Variants in NEB observed in about 807,000 individuals in gnomAD.
NEB encodes nemaline myopathy type 2.
NEB carries 512 observed loss-of-function variants against 952.2 expected under a neutral mutation model. That is an observed-to-expected ratio of 0.54 (90% CI 0.50 to 0.58). The LOEUF (loss-of-function observed/expected upper bound fraction) is 0.58, where lower values mean the gene tolerates loss of function less well. Among genes scored for constraint, NEB ranks in the 20% least tolerant of loss-of-function variants. The pLI, the probability that NEB is intolerant of heterozygous loss-of-function variation, is 0.00. For missense variants in NEB, 8,428 were observed against 9,231.1 expected (o/e 0.91, Z 3.56); for synonymous variants, 2,900 against 3,149.8 (o/e 0.92, Z 2.66).
At chr2:151,618,014 C>G (rs1245883889) in intron 74 of NEB, among the ~76,000 whole-genome samples, 1 of 152,022 alleles carries the variant, frequency 6.6e-6, no homozygotes, top group Non-Finnish European at 1.5e-5. Flanking sequence ...GAGCCAAGAT[C>G]GTGCCATTGC....
chr2:151,689,658 G>C (rs925783584), intron 24 of NEB: 1 of 152,250 alleles, frequency 6.6e-6, no homozygotes, highest in African/African-American at 2.4e-5. Flanking sequence ...TATGCAAGAA[G>C]TAATTCCAAG....
At position 151,614,420 on chromosome 2, in the gene NEB, C is replaced by T. The variant is rs780152095; in HGVS notation, c.11457G>A (p.Val3819=). The T allele has an allele frequency of 9.4e-5, 152 of 1,613,782 alleles. No individual in the cohort carries two copies. Among genetic ancestry groups the T allele is most frequent in the Non-Finnish European group, 1.2e-4 (142 of 1,179,866 alleles). ...TGGCCAGCACCACCCCCAGCATGTC[C>T]ACTGGGCTGCTGAACTTGGTCTTCC... ...EKWKTKFSSP[V]DMLGVVLAKK... The change falls in exon 77 of 182, where the codon GTG becomes GTA. Residue 3819 remains valine, a synonymous_variant. Transcript: ENST00000397345.
chr2:151,512,192 G>A (rs187205809), intron 161 of NEB, among the ~76,000 whole-genome samples: 112 of 151,790 alleles, frequency 7.4e-4, no homozygotes, highest in East Asian at 5.4e-3. Flanking sequence ...CACCACGCCC[G>A]GCTAATTTTT....
chr2:151,520,621 T>G (rs970278686), intron 153 of NEB, among the ~76,000 whole-genome samples: 3 of 152,004 alleles, frequency 2.0e-5, no homozygotes, highest in African/African-American at 7.2e-5. Context: ...TCTCAGCACT[T>G]TAGGAGGCCA....
intron 138 of NEB, among the ~76,000 whole-genome samples, chr2:151,539,196 A>T (rs1344417810): frequency 6.6e-6 from 1 of 152,220 alleles, no homozygotes; most frequent in Non-Finnish European, 1.5e-5. Context: ...GCTGTAAGAT[A>T]TTAATTCAGC....
chr2:151,634,825 T>C (rs963099687), intron 64 of NEB, among the ~76,000 whole-genome samples: 27 of 152,254 alleles, frequency 1.8e-4, no homozygotes, highest in African/African-American at 5.8e-4. Context: ...AAAACTGACA[T>C]AGCAACCCAA....
At chr2:151,595,709 T>C (rs1262688741) in intron 92 of NEB, among the ~76,000 whole-genome samples, 48 of 43,984 alleles carry the variant, frequency 1.1e-3, no homozygotes, top group African/African-American at 7.5e-3. Flanking sequence ...TTAAGTCTTA[T>C]ATGAAACTAT....
intron 107 of NEB, among the ~76,000 whole-genome samples, chr2:151,573,000 C>T (rs1363599267): frequency 6.6e-6 from 1 of 151,856 alleles, no homozygotes; most frequent in Non-Finnish European, 1.5e-5. Flanking sequence ...ATAACAATAT[C>T]TTACTCAATG....
Position 151,688,353 on chromosome 2 carries a change from T to G in NEB, c.2354A>C (p.His785Pro). 6.2e-7 allele frequency: 1 copy of G among 1,613,962 alleles called. No homozygotes were observed. Among genetic ancestry groups the G allele is most frequent in the Non-Finnish European group, 8.5e-7 (1 of 1,179,854 alleles). ...AAACTGTGGAGCATCTGCTGGTATA[T>G]GGCACTTGAACTTCTCACCTTCATG... ...AKHEGEKFKCHIPADAPQFIQ... is the reference protein window; with the variant it reads ...AKHEGEKFKCPIPADAPQFIQ... Residue 785 changes from histidine (H) to proline (P), a missense_variant, in exon 25 of 182, where the codon CAT becomes CCT. Transcript: ENST00000397345.
chr2:151,609,437 ATATAAT>A, intron 81 of NEB, among the ~76,000 whole-genome samples: 1 of 152,212 alleles, frequency 6.6e-6, no homozygotes, highest in East Asian at 1.9e-4. Context: ...GAATTCCATA[ATATAAT>A]TATTTGATAT....
At chr2:151,653,794 G>A (rs1391052387) in intron 52 of NEB, among the ~76,000 whole-genome samples, 198 bp downstream of exon 52, 17 of 152,116 alleles carry the variant, frequency 1.1e-4, no homozygotes, top group Admixed American at 1.0e-3. Context: ...CGTCTGGCCC[G>A]ACCTCTATTC....
intron 60 of NEB, among the ~76,000 whole-genome samples, chr2:151,642,081 G>T (rs2098868147): frequency 6.6e-6 from 1 of 151,984 alleles, no homozygotes; most frequent in Non-Finnish European, 1.5e-5. Context: ...TTCTGTCCTT[G>T]TGACAGTGAG....
At chr2:151,662,681 C>T (rs537831148) in intron 45 of NEB, among the ~76,000 whole-genome samples, 6 of 152,264 alleles carry the variant, frequency 3.9e-5, no homozygotes, top group Admixed American at 2.0e-4. Context: ...TTGAGAAAAG[C>T]AACTATGCTG....
chr2:151,576,089 G>A (rs1044484391), intron 106 of NEB, 62 bp downstream of exon 106: 30 of 1,250,554 alleles, frequency 2.4e-5, no homozygotes, highest in South Asian at 3.4e-5. Context: ...AAATGACCAG[G>A]TTTATTCTTT....
At position 151,607,145 on chromosome 2, in the gene NEB, G is replaced by C. The variant is rs1265509860; in HGVS notation, c.12639+359C>G. 2.6e-4 allele frequency among the ~76,000 whole-genome samples: 27 copies of C among 103,392 alleles called. 12 individuals are homozygous for C. The highest frequency in any genetic ancestry group is 5.3e-4 in the Non-Finnish European group (21 of 39,394). The allele number at this position is 103,392 out of a possible 152,430, so 67.8% of individuals were successfully genotyped here. On this transcript the variant is annotated intron_variant, in intron 83 of 181. Transcript: ENST00000397345. ...AGATATCATACCTAGCCCGCCATCT[G>C]GATGTAAATAGAAATGGTCTTTTGT...
Position 151,644,136 on chromosome 2 carries a change from A to G in NEB, c.7645-7T>C, listed in dbSNP as rs2098922735. 6.2e-7 allele frequency: 1 copy of G among 1,609,010 alleles called. No individual in the cohort carries two copies. Among genetic ancestry groups the G allele is most frequent in the African/African-American group, 1.3e-5 (1 of 74,734 alleles). On this transcript the variant is annotated splice_region_variant and splice_polypyrimidine_tract_variant and intron_variant, in intron 56 of 181. Coordinates refer to ENST00000397345, the MANE Select transcript of NEB (RefSeq NM_001164508.2). ...AGCCTTCCTTGTACTTGTACTAGAG[A>G]AAAAAAATGTGTCTCATTCCTTTCA...
intron 27 of NEB, among the ~76,000 whole-genome samples, chr2:151,686,403 T>C (rs557634344): frequency 1.3e-5 from 2 of 152,304 alleles, no homozygotes; most frequent in African/African-American, 4.8e-5. Flanking sequence ...CTGGGTTCTG[T>C]GATAGGAATA....
chr2:151,640,543 T>G lies in NEB; in HGVS notation c.8497A>C (p.Lys2833Gln), dbSNP rs1208084172. Residue 2833 changes from lysine (K) to glutamine (Q), a missense_variant, in exon 61 of 182, where the codon AAG (lysine) becomes CAG (glutamine). By Grantham distance (53) the Lys-to-Gln change is moderately conservative. Around this residue, in one of 11 missense-constraint regions of NEB, gnomAD observed 1,772 missense variants for 1,960.3 expected, o/e 0.90. Coordinates refer to ENST00000397345, the MANE Select transcript of NEB (RefSeq NM_001164508.2). ...GTCTTCCACTTCTCAAAGTCCTTCT[T>G]GTACTCCCTGTCACTCTGGATCTTG... Reference protein sequence around the residue: ...VAKIQSDREYKKDFEKWKTKF... With the variant: ...VAKIQSDREYQKDFEKWKTKF... 6.2e-7 allele frequency: 1 copy of G among 1,613,836 alleles called. No individual in the cohort carries two copies. The highest frequency in any genetic ancestry group is 1.3e-5 in the African/African-American group (1 of 74,916).
intron 161 of NEB, among the ~76,000 whole-genome samples, chr2:151,508,597 A>G (rs2071255739): frequency 6.6e-6 from 1 of 152,242 alleles, no homozygotes; most frequent in Non-Finnish European, 1.5e-5. Context: ...AGGTGCGGTC[A>G]GGGCTCCCAG....
Sources: allele counts gnomAD v4.1 joint callset (sites outside exome capture counted in the v4.1 genomes callset), GRCh38; gene constraint gnomAD v4.1.1; regional missense constraint gnomAD v4.1.1; transcripts MANE v1.5; gene names NCBI Gene and HGNC (gene_info 2026-07-23, HGNC 2026-07-21).